The following USP35 variants were observed in gnomAD, a reference collection of about 807,000 sequenced individuals.
The protein encoded by USP35 is ubiquitin carboxyl-terminal hydrolase 35.
USP35 carries 69 observed loss-of-function variants against 83.8 expected under a neutral mutation model. The observed-to-expected ratio is 0.82, with a 90% CI of 0.68 to 1.01. USP35 has a LOEUF of 1.01. USP35 is among the 50% of genes least tolerant of loss of function. The probability of loss-of-function intolerance (pLI) is 0.00; values close to 1 mark genes in which losing one functional copy is unlikely to be tolerated. For missense variants in USP35, 1,503 were observed against 1,362.5 expected (o/e 1.10, Z -1.62); for synonymous variants, 714 against 589.5 (o/e 1.21, Z -3.06).
chr11:78,203,265 G>A (rs757920010), intron 6 of USP35, among the ~76,000 whole-genome samples: 13 of 152,154 alleles, frequency 8.5e-5, no homozygotes, highest in African/African-American at 1.7e-4. Context: ...CTTACTGTAC[G>A]GGGACTGAAA....
the USP35 span, among the ~76,000 whole-genome samples, chr11:78,230,077 A>C: frequency 6.6e-6 from 1 of 152,142 alleles, no homozygotes; most frequent in African/African-American, 2.4e-5. Context: ...TGTCTTACTC[A>C]TTTTTCTCTC....
Position 78,207,642 on chromosome 11 carries a change from A to G in USP35, c.1485+19A>G, listed in dbSNP as rs1457535563. On this transcript the variant is annotated intron_variant, in intron 8 of 10. Transcript: ENST00000529308. ...CAGCCAGGTGAGTGTAGGGGCAGTC[A>G]GAGGGGGGTGGAGAGGCAGCTCTGG... 2 of 1,612,222 alleles carry G rather than the reference A, an allele frequency of 1.2e-6. No individual in the cohort carries two copies. The highest frequency in any genetic ancestry group is 2.2e-5 in the South Asian group (2 of 91,004).
intron 3 of USP35, 32 bp downstream of exon 3, chr11:78,198,100 C>T (rs1377280083): frequency 2.5e-6 from 4 of 1,612,762 alleles, no homozygotes; most frequent in Non-Finnish European, 3.4e-6. Flanking sequence ...ATGATCAGGG[C>T]TGGGGCCCCT....
the USP35 span, among the ~76,000 whole-genome samples, chr11:78,231,584 G>A: frequency 2.0e-5 from 3 of 152,130 alleles, no homozygotes; most frequent in Non-Finnish European, 1.5e-5. Context: ...TCCTGACCTC[G>A]TGGTCTGCCC....
rs1002649693 is a variant in USP35, at chr11:78,200,788, C to A, written c.1177C>A (p.Pro393Thr). 1 of 1,611,864 alleles carries A rather than the reference C, an allele frequency of 6.2e-7. No homozygotes were observed. The highest frequency in any genetic ancestry group is 8.5e-7 in the Non-Finnish European group (1 of 1,178,500). The stretch of plus-strand genomic sequence containing the variant: ...CCCGGGCTTCCCGGATCTGTATGAG[C>A]CTGTCATGGAGGCCATCAAGGTGAG... ...RFPGFPDLYE[P>T]VMEAIKDLHV... is the part of the protein sequence containing the mutation. Residue 393 changes from proline to threonine, a missense_variant, in exon 6 of 11, where the codon CCT (proline) becomes ACT (threonine). Coordinates refer to ENST00000529308, the MANE Select transcript of USP35 (RefSeq NM_020798.4).
At chr11:78,191,503 G>A (rs183288118) in intron 1 of USP35, among the ~76,000 whole-genome samples, 1 of 152,282 alleles carries the variant, frequency 6.6e-6, no homozygotes, top group East Asian at 1.9e-4. Flanking sequence ...GGATCACAGA[G>A]GTAAAAGAAC....
chr11:78,203,887 CTTTTCTTTTTT>C (rs1357195786), intron 6 of USP35, among the ~76,000 whole-genome samples: 1 of 124,414 alleles, frequency 8.0e-6, no homozygotes, highest in East Asian at 2.5e-4. Flanking sequence ...CCATATTTTT[CTTTTCTTTTTT>C]TTTTTTTTTT....
intron 8 of USP35, among the ~76,000 whole-genome samples, chr11:78,208,012 C>T (rs935435562): frequency 2.6e-5 from 4 of 152,216 alleles, no homozygotes; most frequent in African/African-American, 9.7e-5. Flanking sequence ...TGACGGCCTT[C>T]TTGCTGCATT....
chr11:78,211,851 C>T (rs186105216), intron 10 of USP35, among the ~76,000 whole-genome samples: 4 of 152,244 alleles, frequency 2.6e-5, no homozygotes, highest in South Asian at 4.2e-4. Context: ...GGACTTAGGT[C>T]AGATGGGTAG....
the USP35 span, among the ~76,000 whole-genome samples, chr11:78,235,919 G>GC: frequency 6.6e-6 from 1 of 152,030 alleles, no homozygotes; most frequent in African/African-American, 2.4e-5. Flanking sequence ...TTTCAGCAAC[G>GC]CCCCACTCTA....
intron 6 of USP35, among the ~76,000 whole-genome samples, chr11:78,205,580 AT>A (rs879620327): frequency 6.0e-5 from 9 of 149,796 alleles, no homozygotes; most frequent in South Asian, 2.1e-4. Flanking sequence ...CTGAATCTTC[AT>A]TTTTTTTTTA....
the USP35 span, among the ~76,000 whole-genome samples, chr11:78,231,336 G>GTGTGTGTGTGTGT: frequency 2.1e-5 from 3 of 145,796 alleles, no homozygotes; most frequent in Admixed American, 6.8e-5. Flanking sequence ...GCGCGTGTGT[G>GTGTGTGTGTGTGT]GTGTGTGTGT....
chr11:78,233,577 C>T, the USP35 span, among the ~76,000 whole-genome samples: 8 of 152,014 alleles, frequency 5.3e-5, no homozygotes, highest in South Asian at 6.2e-4. Context: ...GTTAGATATG[C>T]GCGTTGAATA....
rs766684851 is a variant in USP35, at chr11:78,205,825, G to A, written c.1198-17G>A. ...CTGGTGCCCACCATCCTGCCTGCCTGCTTATTCCCTCCTCAGGACCTCCAT... is the reference window on the plus strand; with the variant it reads ...CTGGTGCCCACCATCCTGCCTGCCTACTTATTCCCTCCTCAGGACCTCCAT... On this transcript the variant is annotated splice_polypyrimidine_tract_variant and intron_variant, in intron 6 of 10. Transcript: ENST00000529308. 8 of 1,599,936 alleles carry A rather than the reference G, an allele frequency of 5.0e-6. No homozygotes were observed. The highest frequency in any genetic ancestry group is 2.6e-6 in the Non-Finnish European group (3 of 1,170,206).
chr11:78,190,875 G>C (rs551403689), intron 1 of USP35, among the ~76,000 whole-genome samples: 6 of 152,310 alleles, frequency 3.9e-5, no homozygotes, highest in African/African-American at 1.4e-4. Flanking sequence ...TGTCTGCAGA[G>C]TCTCCACTGA....
the USP35 span, among the ~76,000 whole-genome samples, chr11:78,235,757 A>G: frequency 6.6e-6 from 1 of 152,180 alleles, no homozygotes. Flanking sequence ...TATTGTCCAT[A>G]TCGCTATCAG....
the USP35 span, among the ~76,000 whole-genome samples, chr11:78,230,257 C>G: frequency 6.6e-6 from 1 of 152,244 alleles, no homozygotes; most frequent in African/African-American, 2.4e-5. Context: ...CACTAGCTTA[C>G]GTTCCAACTT....
rs1864026412 is a variant in USP35, at chr11:78,214,731, CAG to C, written c.*919_*920del. The C allele has an allele frequency of 1.3e-5, 2 of 151,990 alleles. No homozygotes were observed. The highest frequency in any genetic ancestry group is 2.4e-5 in the African/African-American group (1 of 41,182). The allele number at this position is 151,990 out of a possible 1,614,324, so 9.4% of individuals were successfully genotyped here. Reference sequence around the variant, plus strand: ...GCAAGAGATTGTTCTTCCTTGGACTCAGGGGCTGTGATGGCCACTGGGTTTTG... The same window carrying C: ...GCAAGAGATTGTTCTTCCTTGGACTCGGGCTGTGATGGCCACTGGGTTTTG... On this transcript the variant is annotated 3_prime_UTR_variant, in exon 11 of 11. Coordinates refer to ENST00000529308, the MANE Select transcript of USP35 (RefSeq NM_020798.4).
chr11:78,230,404 C>T, the USP35 span, among the ~76,000 whole-genome samples: 4 of 152,248 alleles, frequency 2.6e-5, no homozygotes, highest in Non-Finnish European at 5.9e-5. Flanking sequence ...TACATCAACA[C>T]CTTACACAAA....
Sources: allele counts gnomAD v4.1 joint callset (sites outside exome capture counted in the v4.1 genomes callset), GRCh38; gene constraint gnomAD v4.1.1; transcripts MANE v1.5; gene names NCBI Gene and HGNC (gene_info 2026-07-23, HGNC 2026-07-21).